Variants in CTNNA2 observed in about 807,000 individuals in gnomAD.
The protein encoded by CTNNA2 is catenin alpha-2.
CTNNA2 carries 42 observed loss-of-function variants against 101.0 expected under a neutral mutation model. The observed-to-expected ratio is 0.42, with a 90% CI of 0.32 to 0.54. The LOEUF (loss-of-function observed/expected upper bound fraction) is 0.54, where lower values mean the gene tolerates loss of function less well. Ranked by LOEUF, CTNNA2 falls within the 20% of genes least tolerant of loss-of-function variation. The pLI, the probability that CTNNA2 is intolerant of heterozygous loss-of-function variation, is 0.14. For synonymous variants in CTNNA2, 450 were observed against 456.4 expected, an observed-to-expected ratio of 0.99 and a Z score of 0.18; for missense variants, 871 against 1,223.1, an observed-to-expected ratio of 0.71 and a Z score of 4.29.
At chr2:80,489,348 T>A (rs540413129) in intron 9 of CTNNA2, among the ~76,000 whole-genome samples, 1 of 152,218 alleles carries the variant, frequency 6.6e-6, no homozygotes, top group East Asian at 1.9e-4. Context: ...TTTTAATGAT[T>A]GGCAATCAAA....
chr2:79,845,175 T>A (rs893151443), intron 3 of CTNNA2, among the ~76,000 whole-genome samples: 1 of 7,876 alleles, frequency 1.3e-4, no homozygotes, highest in Non-Finnish European at 9.5e-4. Context: ...ACAGCTGCTT[T>A]TTTTTTTTTT....
chr2:80,630,023 C>G (rs1672111821), intron 18 of CTNNA2, among the ~76,000 whole-genome samples: 1 of 152,096 alleles, frequency 6.6e-6, no homozygotes, highest in South Asian at 2.1e-4. Flanking sequence ...GGTGGAGGTA[C>G]ACTTCTCTAA....
rs189088401 is a variant in CTNNA2 at position 79,366,361 on chromosome 2, T to C, written c.-317-7470T>C. The stretch of plus-strand genomic sequence containing the variant: ...ACAGGCCGGCTAGGAACAAAGATTT[T>C]TCTTCCTTATATTAGGAACAATGAC... On this transcript the variant is annotated intron_variant, in intron 3 of 21. Transcript: ENST00000466387. 4.1e-3 allele frequency among the ~76,000 whole-genome samples: 632 copies of C among 152,348 alleles called. 6 individuals carry two copies. The highest frequency in any genetic ancestry group is 0.015 in the African/African-American group (608 of 41,572).
chr2:79,228,612 C>G (rs946114938), intron 2 of CTNNA2, among the ~76,000 whole-genome samples: 14 of 151,736 alleles, frequency 9.2e-5, no homozygotes, highest in African/African-American at 3.4e-4. Flanking sequence ...TTTGTTTTTG[C>G]TTCGTGATTT....
At chr2:79,628,414 C>T (rs910089479) in intron 1 of CTNNA2, among the ~76,000 whole-genome samples, 2 of 150,980 alleles carry the variant, frequency 1.3e-5, no homozygotes, top group Non-Finnish European at 2.9e-5. Flanking sequence ...GGTAGAGCCA[C>T]TGCACTCCAG....
In CTNNA2 at chr2:79,488,624, T is replaced by C. The variant is rs76195670; in HGVS notation, c.-134-16430T>C. Among the ~76,000 whole-genome samples, 797 of 152,324 alleles carry C rather than the reference T, an allele frequency of 5.2e-3. 7 individuals are homozygous for C. The highest frequency in any genetic ancestry group is 0.017 in the African/African-American group (716 of 41,578). On this transcript the variant is annotated intron_variant, in intron 4 of 21. Transcript: ENST00000466387. Reference sequence around the variant, plus strand: ...TGATAGACATTGTTCATCTGTGACATTGACTTCCTTCAGAACCTTCTGGAT... The same window carrying C: ...TGATAGACATTGTTCATCTGTGACACTGACTTCCTTCAGAACCTTCTGGAT...
chr2:79,992,307 A>G (rs1035574153), intron 7 of CTNNA2, among the ~76,000 whole-genome samples: 3 of 152,050 alleles, frequency 2.0e-5, no homozygotes, highest in Non-Finnish European at 2.9e-5. Flanking sequence ...ACAAAAAAAA[A>G]GAAAAGAAAT....
chr2:80,529,212 C>T (rs1690307817), intron 9 of CTNNA2, among the ~76,000 whole-genome samples: 1 of 152,076 alleles, frequency 6.6e-6, no homozygotes, highest in African/African-American at 2.4e-5. Context: ...ATTTGTAGGC[C>T]ACATGGAGTC....
chr2:79,470,360 AG>A, intron 4 of CTNNA2, among the ~76,000 whole-genome samples: 1 of 152,306 alleles, frequency 6.6e-6, no homozygotes, highest in East Asian at 1.9e-4. Flanking sequence ...AACAATAAAA[AG>A]CTTTTCTCGA....
intron 3 of CTNNA2, among the ~76,000 whole-genome samples, chr2:79,761,154 C>T (rs762748762): frequency 7.9e-5 from 12 of 152,062 alleles, no homozygotes; most frequent in Non-Finnish European, 1.2e-4. Flanking sequence ...TATGAAATGA[C>T]GATAAGCTGA....
intron 1 of CTNNA2, among the ~76,000 whole-genome samples, chr2:79,588,489 C>T (rs1676637396): frequency 1.3e-5 from 2 of 152,238 alleles, no homozygotes; most frequent in Admixed American, 6.5e-5. Flanking sequence ...GAAAATATCT[C>T]GAGTTCCTAT....
chr2:79,822,936 T>C (rs962108276), intron 3 of CTNNA2, among the ~76,000 whole-genome samples: 1 of 152,206 alleles, frequency 6.6e-6, no homozygotes, highest in Non-Finnish European at 1.5e-5. Context: ...TCAATGATCA[T>C]ACAGGTCTTC....
At chr2:80,112,985 G>A (rs1701309133) in intron 7 of CTNNA2, among the ~76,000 whole-genome samples, 1 of 152,148 alleles carries the variant, frequency 6.6e-6, no homozygotes. Context: ...CGTAAAGGCT[G>A]GCTGGTGCAA....
intron 4 of CTNNA2, among the ~76,000 whole-genome samples, chr2:79,396,074 C>A (rs1345501253): frequency 6.6e-6 from 1 of 152,112 alleles, no homozygotes; most frequent in African/African-American, 2.4e-5. Context: ...CTGGTTTAAC[C>A]AGTCAAGAGT....
chr2:80,158,401 G>C (rs905655843), intron 7 of CTNNA2, among the ~76,000 whole-genome samples: 1 of 152,086 alleles, frequency 6.6e-6, no homozygotes, highest in Non-Finnish European at 1.5e-5. Context: ...TCTTTCCCTC[G>C]TTTCGCACAA....
intron 4 of CTNNA2, among the ~76,000 whole-genome samples, chr2:79,471,578 C>T (rs1393688322): frequency 6.6e-6 from 1 of 152,124 alleles, no homozygotes; most frequent in Non-Finnish European, 1.5e-5. Flanking sequence ...GTGGCTCACG[C>T]CTGCAATCCC....
intron 7 of CTNNA2, among the ~76,000 whole-genome samples, chr2:80,327,517 C>T (rs552188550): frequency 6.9e-6 from 1 of 145,300 alleles, no homozygotes; most frequent in Admixed American, 6.9e-5. Flanking sequence ...CAGTAACATA[C>T]CTCTTATTTA....
At chr2:80,013,843 C>G (rs1190861693) in intron 7 of CTNNA2, among the ~76,000 whole-genome samples, 1 of 152,186 alleles carries the variant, frequency 6.6e-6, no homozygotes, top group Non-Finnish European at 1.5e-5. Flanking sequence ...AGGATTGCCT[C>G]TAGAAACGAA....
At chr2:79,687,496 G>A in intron 2 of CTNNA2, 1 of 467,982 alleles carries the variant, frequency 2.1e-6, no homozygotes, top group South Asian at 3.5e-5. Flanking sequence ...ATTTTTATTT[G>A]CATTACCCAG....
Sources: gnomAD v4.1 joint callset for allele counts (sites outside exome capture counted in the v4.1 genomes callset) on GRCh38, gnomAD v4.1.1 for gene constraint, MANE v1.5 for transcripts, NCBI Gene and HGNC (gene_info 2026-07-23, HGNC 2026-07-21) for gene names.